SMYD3: variants seen among roughly 807,000 people sequenced by gnomAD.
The protein encoded by SMYD3 is SET and MYND domain containing 3.
SMYD3 carries 36 observed loss-of-function variants against 57.7 expected under a neutral mutation model. The ratio of observed to expected loss-of-function variants is 0.62; its 90% CI spans 0.48 to 0.82. The LOEUF is 0.82. SMYD3 is among the 40% of genes least tolerant of loss of function. The probability of loss-of-function intolerance (pLI) is 0.00; values close to 1 mark genes in which losing one functional copy is unlikely to be tolerated. For synonymous variants in SMYD3, 211 were observed against 195.0 expected (o/e 1.08, Z -0.68); for missense variants, 515 against 538.8 (o/e 0.96, Z 0.44).
At chr1:246,466,601 A>T (rs1313098294) in intron 1 of SMYD3, among the ~76,000 whole-genome samples, 1 of 152,226 alleles carries the variant, frequency 6.6e-6, no homozygotes, top group Non-Finnish European at 1.5e-5. Flanking sequence ...TGGATGACAA[A>T]ATAATCTATA....
intron 5 of SMYD3, among the ~76,000 whole-genome samples, chr1:246,318,259 A>C (rs2065195741): frequency 6.6e-6 from 1 of 152,088 alleles, no homozygotes; most frequent in Admixed American, 6.6e-5. Context: ...GGTGGCACAC[A>C]CTTGTAGTCC....
intron 1 of SMYD3, among the ~76,000 whole-genome samples, chr1:246,428,559 T>A (rs1378271338): frequency 6.6e-6 from 1 of 152,182 alleles, no homozygotes; most frequent in Non-Finnish European, 1.5e-5. Flanking sequence ...ATTTTACAGA[T>A]AAGGAAATTA....
intron 1 of SMYD3, among the ~76,000 whole-genome samples, chr1:246,399,495 TG>T (rs1191311179): frequency 2.0e-5 from 3 of 152,086 alleles, no homozygotes; most frequent in Non-Finnish European, 4.4e-5. Flanking sequence ...CCACCATACC[TG>T]GCTAATTTTT....
rs2066282786 is a variant in SMYD3 at position 246,376,604 on chromosome 1, A to AAAAC, written c.165-21511_165-21510insGTTT. Among the ~76,000 whole-genome samples the AAAAC allele has an allele frequency of 1.5e-4, 23 of 151,244 alleles. No individual in the cohort carries two copies. In the South Asian group the frequency reaches 4.8e-3, roughly 32 times the overall value. On this transcript the variant is annotated intron_variant, in intron 1 of 11. Coordinates refer to ENST00000490107, the MANE Select transcript of SMYD3 (RefSeq NM_001167740.2). The stretch of plus-strand genomic sequence containing the variant: ...ACACTCCATCTAAAAAAAAAAAAAA[A>AAAAC]AAAAAACTAAACATAAATAAACCAG...
chr1:245,749,386 C>G lies in SMYD3; in HGVS notation c.*177G>C. The G allele has an allele frequency of 5.7e-6, 3 of 529,026 alleles. No individual in the cohort carries two copies. The highest frequency in any genetic ancestry group is 1.0e-5 in the Non-Finnish European group (3 of 300,652). The allele number at this position is 529,026 out of a possible 1,614,324, so 32.8% of individuals were successfully genotyped here. A position where few individuals can be genotyped will look rare whatever the true frequency, so the allele number is the denominator to read the frequency against. ...TTTTGAATTTATTATAATCGTGCTTCTCTACAACTAATGATTCTTGTGGTT... is the reference window on the plus strand; with the variant it reads ...TTTTGAATTTATTATAATCGTGCTTGTCTACAACTAATGATTCTTGTGGTT... On this transcript the variant is annotated 3_prime_UTR_variant, in exon 12 of 12. Coordinates refer to ENST00000490107, the MANE Select transcript of SMYD3 (RefSeq NM_001167740.2).
At chr1:245,834,208 T>C (rs1160361516) in intron 10 of SMYD3, among the ~76,000 whole-genome samples, 1 of 152,202 alleles carries the variant, frequency 6.6e-6, no homozygotes, top group Non-Finnish European at 1.5e-5. Context: ...TCAGAGCCTC[T>C]GACATCCTCA....
chr1:246,367,171 T>C (rs1162217121), intron 1 of SMYD3, among the ~76,000 whole-genome samples: 1 of 152,178 alleles, frequency 6.6e-6, no homozygotes, highest in African/African-American at 2.4e-5. Context: ...TGACAGCAAC[T>C]GTTCAGAAGT....
chr1:246,328,861 C>A (rs940173564), intron 4 of SMYD3, among the ~76,000 whole-genome samples: 1 of 151,218 alleles, frequency 6.6e-6, no homozygotes, highest in Non-Finnish European at 1.5e-5. Context: ...CCACAACAGT[C>A]CCCAGAGTGT....
At chr1:246,449,537 G>A (rs866286840) in intron 1 of SMYD3, among the ~76,000 whole-genome samples, 1 of 152,170 alleles carries the variant, frequency 6.6e-6, no homozygotes, top group Non-Finnish European at 1.5e-5. Flanking sequence ...CTTCTCCAGC[G>A]ATTACCTTAT....
chr1:245,972,768 C>T (rs963140374), intron 5 of SMYD3, among the ~76,000 whole-genome samples: 2 of 152,174 alleles, frequency 1.3e-5, no homozygotes, highest in African/African-American at 2.4e-5. Flanking sequence ...GCCTGAGGGG[C>T]GGTGGAGCAA....
chr1:246,213,171 C>T (rs981431909), intron 5 of SMYD3, among the ~76,000 whole-genome samples: 13 of 152,162 alleles, frequency 8.5e-5, no homozygotes, highest in Admixed American at 5.2e-4. Flanking sequence ...ATGATGTCGA[C>T]ACAGATACAC....
chr1:245,790,868 A>AT (rs1268117827), intron 10 of SMYD3, among the ~76,000 whole-genome samples: 7 of 151,938 alleles, frequency 4.6e-5, no homozygotes, highest in Non-Finnish European at 1.0e-4. Flanking sequence ...AGATAAAATG[A>AT]TTTTTTTTCT....
At chr1:245,894,775 A>C (rs1490742704) in intron 8 of SMYD3, among the ~76,000 whole-genome samples, 1 of 152,234 alleles carries the variant, frequency 6.6e-6, no homozygotes, top group East Asian at 1.9e-4. Context: ...GTATCACATT[A>C]GCTGCCATCC....
intron 5 of SMYD3, among the ~76,000 whole-genome samples, chr1:246,103,988 G>A (rs1057465214): frequency 9.2e-5 from 14 of 152,200 alleles, no homozygotes; most frequent in African/African-American, 2.4e-4. Flanking sequence ...CTTTCAACCT[G>A]CCCAATTACA....
chr1:246,369,196 C>T (rs2066154463), intron 1 of SMYD3, among the ~76,000 whole-genome samples: 1 of 152,166 alleles, frequency 6.6e-6, no homozygotes, highest in South Asian at 2.1e-4. Context: ...ATTATCATCA[C>T]AGTTTTACTA....
At chr1:246,041,048 C>T (rs1271527152) in intron 5 of SMYD3, among the ~76,000 whole-genome samples, 6 of 152,168 alleles carry the variant, frequency 3.9e-5, no homozygotes, top group African/African-American at 1.4e-4. Context: ...TTTACTATTC[C>T]TTTTCTATGT....
chr1:246,001,315 G>A (rs761421338), intron 5 of SMYD3, among the ~76,000 whole-genome samples: 1 of 152,184 alleles, frequency 6.6e-6, no homozygotes, highest in Non-Finnish European at 1.5e-5. Flanking sequence ...AAATATGCCA[G>A]GCAAGTCCAA....
At chr1:246,222,908 G>A (rs4451525) in intron 5 of SMYD3, among the ~76,000 whole-genome samples, 13,385 of 152,136 alleles carry the variant, frequency 0.088, 1,045 homozygotes, top group East Asian at 0.24. Flanking sequence ...CTCTAATATT[G>A]TAATTTCACA....
intron 1 of SMYD3, among the ~76,000 whole-genome samples, chr1:246,475,325 C>A (rs1378195282): frequency 7.5e-6 from 1 of 132,688 alleles, no homozygotes; most frequent in African/African-American, 3.4e-5. Flanking sequence ...GAGAGACTGT[C>A]TCAGAAAAAA....
Sources: allele counts gnomAD v4.1 joint callset (sites outside exome capture counted in the v4.1 genomes callset), GRCh38; gene constraint gnomAD v4.1.1; transcripts MANE v1.5; gene names NCBI Gene and HGNC (gene_info 2026-07-23, HGNC 2026-07-21).